EIF4E3: variants seen among roughly 807,000 people sequenced by gnomAD.
The protein encoded by EIF4E3 is eukaryotic translation initiation factor 4E type 3.
EIF4E3 carries 26 observed loss-of-function variants against 31.7 expected under a neutral mutation model. That is an observed-to-expected ratio of 0.82 (90% CI 0.60 to 1.14). The LOEUF (loss-of-function observed/expected upper bound fraction) is 1.14, where lower values mean the gene tolerates loss of function less well. EIF4E3 is among the 50% of genes most tolerant of loss of function. The probability of loss-of-function intolerance (pLI) is 0.00; values close to 1 mark genes in which losing one functional copy is unlikely to be tolerated. For synonymous variants in EIF4E3, 128 were observed against 107.7 expected (o/e 1.19, Z -1.17); for missense variants, 304 against 270.9 (o/e 1.12, Z -0.86).
the EIF4E3 span, among the ~76,000 whole-genome samples, chr3:71,660,511 G>A: frequency 1.3e-5 from 2 of 152,146 alleles, no homozygotes; most frequent in East Asian, 1.9e-4. Flanking sequence ...AATGGAGAGA[G>A]AGCGACATCT....
chr3:71,728,059 A>G (rs1233272048), upstream of EIF4E3, among the ~76,000 whole-genome samples: 1 of 152,236 alleles, frequency 6.6e-6, no homozygotes, highest in East Asian at 1.9e-4. Context: ...ATATTAGCCA[A>G]TGAAGAAGCA....
chr3:71,712,940 T>C (rs922104332), intron 1 of EIF4E3, among the ~76,000 whole-genome samples: 1 of 152,210 alleles, frequency 6.6e-6, no homozygotes, highest in Admixed American at 6.5e-5. Flanking sequence ...GGTCTTTACT[T>C]GTATTCCAGT....
rs73837582 is a variant in EIF4E3, at chr3:71,734,990, T to C, written c.-290-6367A>G. 5.0e-3 allele frequency among the ~76,000 whole-genome samples: 758 copies of C among 152,244 alleles called. 8 individuals carry two copies. Among genetic ancestry groups the C allele is most frequent in the African/African-American group, 0.016 (648 of 41,546 alleles). ...CTGGCCCCAGGCTGGAATGAAATTATTGGAATTAAGAAACTGGGGCCCCAG... is the reference window on the plus strand; with the variant it reads ...CTGGCCCCAGGCTGGAATGAAATTACTGGAATTAAGAAACTGGGGCCCCAG... On this transcript the variant is annotated intron_variant, in intron 1 of 7. Transcript: ENST00000295612.
rs1162120034 is a variant in EIF4E3 at position 71,677,832 on chromosome 3, G to A, written c.*6850C>T. The stretch of plus-strand genomic sequence containing the variant: ...AAATTCACTTTACTTGCCGAAACAG[G>A]GGACAACTGAATCTCACCAGCAAAT... On this transcript the variant is annotated 3_prime_UTR_variant, in exon 7 of 7. Coordinates refer to ENST00000425534, the MANE Select transcript of EIF4E3 (RefSeq NM_001134651.2). The A allele has an allele frequency of 6.6e-6, 1 of 152,130 alleles. No individual in the cohort carries two copies. Among genetic ancestry groups the A allele is most frequent in the Non-Finnish European group, 1.5e-5 (1 of 68,026 alleles). 9.4% of individuals were successfully genotyped at this position (152,130 alleles called of 1,614,324 possible).
chr3:71,736,312 A>G (rs1324062433), intron 1 of EIF4E3, among the ~76,000 whole-genome samples: 1 of 152,230 alleles, frequency 6.6e-6, no homozygotes, highest in Non-Finnish European at 1.5e-5. Flanking sequence ...TATTTACCCA[A>G]TTGAGCTGAA....
intron 1 of EIF4E3, among the ~76,000 whole-genome samples, chr3:71,730,743 T>G (rs961430339): frequency 6.6e-6 from 1 of 152,102 alleles, no homozygotes; most frequent in Admixed American, 6.6e-5. Context: ...TGTTGTTGTT[T>G]TTTTTGAGAC....
chr3:71,722,840 G>A (rs1023675418), intron 1 of EIF4E3, among the ~76,000 whole-genome samples: 16 of 152,158 alleles, frequency 1.1e-4, no homozygotes, highest in African/African-American at 3.9e-4. Flanking sequence ...AGTAGTTTAT[G>A]CTTAGGAAGC....
chr3:71,722,100 G>C (rs1174373231), intron 1 of EIF4E3, among the ~76,000 whole-genome samples: 1 of 151,568 alleles, frequency 6.6e-6, no homozygotes, highest in Non-Finnish European at 1.5e-5. Flanking sequence ...CCTCGGGGGG[G>C]CGGGGGTGGG....
At chr3:71,734,042 A>G (rs1342539470) in intron 1 of EIF4E3, among the ~76,000 whole-genome samples, 1 of 152,238 alleles carries the variant, frequency 6.6e-6, no homozygotes, top group South Asian at 2.1e-4. Flanking sequence ...TACTCACAAT[A>G]CAGAAAGATC....
At chr3:71,754,153 G>A, upstream of EIF4E3, 1 of 1,460,968 alleles carries the variant, frequency 6.8e-7, no homozygotes, top group Non-Finnish European at 9.1e-7. The surrounding 1 kb of genome is among the most constrained non-coding windows in gnomAD (Gnocchi z 5.8). Flanking sequence ...AGCCTAGCGG[G>A]CAACGTGCTG....
intron 1 of EIF4E3, among the ~76,000 whole-genome samples, chr3:71,737,729 C>A (rs796496927): frequency 5.3e-5 from 8 of 152,062 alleles, no homozygotes; most frequent in East Asian, 1.9e-4. Flanking sequence ...AGTTCAAGAC[C>A]GGCCTGGGTA....
chr3:71,686,261 A>T (rs1376902015), intron 6 of EIF4E3, among the ~76,000 whole-genome samples: 2 of 152,174 alleles, frequency 1.3e-5, no homozygotes, highest in Non-Finnish European at 2.9e-5. Flanking sequence ...AAGTGCTGGG[A>T]TTACAGGCAT....
At chr3:71,664,422 C>T in the EIF4E3 span, among the ~76,000 whole-genome samples, 207 of 152,036 alleles carry the variant, frequency 1.4e-3, no homozygotes, top group Non-Finnish European at 2.6e-3. Flanking sequence ...GGAGAATCAT[C>T]TTCATGATTT....
chr3:71,695,825 A>T (rs1229171386), intron 4 of EIF4E3, among the ~76,000 whole-genome samples: 1 of 152,212 alleles, frequency 6.6e-6, no homozygotes, highest in Non-Finnish European at 1.5e-5. Context: ...AGGGCTTAAG[A>T]TAACCGATTT....
intron 6 of EIF4E3, among the ~76,000 whole-genome samples, chr3:71,688,561 T>G (rs1222857120): frequency 2.6e-5 from 4 of 152,160 alleles, no homozygotes; most frequent in African/African-American, 9.7e-5. Context: ...AAATTGGTGT[T>G]CTCCTCTTTA....
At chr3:71,730,740 G>GT (rs372676816) in intron 1 of EIF4E3, among the ~76,000 whole-genome samples, 13 of 149,380 alleles carry the variant, frequency 8.7e-5, no homozygotes, top group East Asian at 3.9e-4. Flanking sequence ...TATTGTTGTT[G>GT]TTTTTTTTGA....
chr3:71,737,795 A>AC (rs1285009736), intron 1 of EIF4E3, among the ~76,000 whole-genome samples: 2 of 151,994 alleles, frequency 1.3e-5, no homozygotes, highest in African/African-American at 4.8e-5. Flanking sequence ...AAACAAACAA[A>AC]AAACAACAAC....
intron 6 of EIF4E3, 47 bp from the exon 7 acceptor site, chr3:71,684,775 T>G (rs551647009): frequency 6.2e-7 from 1 of 1,600,526 alleles, no homozygotes; most frequent in Admixed American, 1.7e-5. Context: ...AAAGAAAACT[T>G]TAAGCAAAGG....
intron 5 of EIF4E3, among the ~76,000 whole-genome samples, chr3:71,690,804 A>C (rs1004797859): frequency 2.0e-5 from 3 of 152,236 alleles, no homozygotes; most frequent in African/African-American, 7.2e-5. Flanking sequence ...ACTGTGGGCT[A>C]GAGAGCCAAT....
Sources: allele counts gnomAD v4.1 joint callset (sites outside exome capture counted in the v4.1 genomes callset), GRCh38; gene constraint gnomAD v4.1.1; non-coding constraint Gnocchi (gnomAD v3.1); transcripts MANE v1.5; gene names NCBI Gene and HGNC (gene_info 2026-07-23, HGNC 2026-07-21).